Variants in ERC2 observed in about 807,000 individuals in gnomAD.
ERC2 encodes the protein ELKS/RAB6-interacting/CAST family member 2.
ERC2 carries 42 observed loss-of-function variants against 114.8 expected under a neutral mutation model. The observed-to-expected ratio is 0.37, with a 90% CI of 0.29 to 0.47. ERC2 has a LOEUF of 0.47. Ranked by LOEUF, ERC2 falls within the 20% of genes least tolerant of loss-of-function variation. ERC2 has a pLI of 0.99. For synonymous variants in ERC2, 454 were observed against 425.5 expected (o/e 1.07, Z -0.82); for missense variants, 939 against 1,150.7 (o/e 0.82, Z 2.66).
chr3:56,329,998 C>T (rs2057535638), intron 2 of ERC2, among the ~76,000 whole-genome samples: 1 of 151,172 alleles, frequency 6.6e-6, no homozygotes, highest in Non-Finnish European at 1.5e-5. Context: ...ATATATATTT[C>T]CAATAAACAT....
intron 1 of ERC2, among the ~76,000 whole-genome samples, chr3:56,442,975 AG>A (rs1183792907): frequency 6.6e-6 from 1 of 152,206 alleles, no homozygotes; most frequent in African/African-American, 2.4e-5. Flanking sequence ...TTACAGGACT[AG>A]GCACTGCTTT....
intron 14 of ERC2, among the ~76,000 whole-genome samples, chr3:55,827,664 T>C (rs992093788): frequency 6.6e-6 from 1 of 152,242 alleles, no homozygotes; most frequent in Non-Finnish European, 1.5e-5. Context: ...GTTGTTTTAA[T>C]ATGTCTATTT....
At chr3:56,436,211 T>C (rs1320931551) in intron 1 of ERC2, among the ~76,000 whole-genome samples, 1 of 152,222 alleles carries the variant, frequency 6.6e-6, no homozygotes, top group Non-Finnish European at 1.5e-5. Context: ...CAAATGTCCA[T>C]GCTAATACTA....
intron 17 of ERC2, among the ~76,000 whole-genome samples, chr3:55,559,215 T>C (rs2055837032): frequency 6.6e-6 from 1 of 152,224 alleles, no homozygotes; most frequent in Non-Finnish European, 1.5e-5. Context: ...CTGAGCCTTC[T>C]GAAAGTTTTT....
At chr3:56,196,493 C>CCTT (rs2048112758) in intron 3 of ERC2, among the ~76,000 whole-genome samples, 1 of 120,680 alleles carries the variant, frequency 8.3e-6, no homozygotes, top group African/African-American at 3.0e-5. Flanking sequence ...TTCTTGCCTT[C>CCTT]TTTTTTTTTT....
In ERC2 at chr3:56,080,918, G is replaced by A. The variant is rs2077198154; in HGVS notation, c.1540C>T (p.Gln514Ter). 6.2e-7 allele frequency: 1 copy of A among 1,613,446 alleles called. No homozygotes were observed. The highest frequency in any genetic ancestry group is 1.3e-5 in the African/African-American group (1 of 74,898). The change falls in exon 7 of 18, where the codon CAG (glutamine) becomes TAG (stop). Residue 514 changes from glutamine to a stop codon, truncating the protein, a stop_gained. Coordinates refer to ENST00000288221, the MANE Select transcript of ERC2 (RefSeq NM_015576.3). LOFTEE classifies it high-confidence loss of function. ...SFLNKKTKQL[Q>*]DLTEEKGTLA... ...GTCCCCTTCTCTTCTGTGAGGTCCT[G>A]TAGCTGTTTTGTTTTTTTATTGAGG...
At chr3:55,759,484 A>AC (rs1559609981) in intron 14 of ERC2, among the ~76,000 whole-genome samples, 10 of 129,948 alleles carry the variant, frequency 7.7e-5, no homozygotes, top group African/African-American at 2.9e-4. Flanking sequence ...AAAAAAAAAA[A>AC]AAAAAAAAAA....
intron 3 of ERC2, among the ~76,000 whole-genome samples, chr3:56,276,954 C>T (rs910974853): frequency 6.6e-6 from 1 of 152,198 alleles, no homozygotes; most frequent in Non-Finnish European, 1.5e-5. Flanking sequence ...CAAGCTTGTA[C>T]CAGTATATCA....
intron 5 of ERC2, among the ~76,000 whole-genome samples, chr3:56,147,047 A>T (rs544325101): frequency 1.3e-5 from 2 of 152,346 alleles, no homozygotes; most frequent in Admixed American, 1.3e-4. Flanking sequence ...TGACATTTTC[A>T]GCTGTAGAAG....
chr3:56,341,600 AC>A (rs2058092147), intron 2 of ERC2, among the ~76,000 whole-genome samples: 1 of 151,510 alleles, frequency 6.6e-6, no homozygotes, highest in South Asian at 2.1e-4. Context: ...AAAAAAAAAA[AC>A]TAAAAGAAAA....
chr3:56,149,076 C>T lies in ERC2; in HGVS notation c.1206G>A (p.Gln402=). 1 of 1,613,114 alleles carries T rather than the reference C, an allele frequency of 6.2e-7. No homozygotes were observed. The highest frequency in any genetic ancestry group is 1.7e-5 in the Admixed American group (1 of 59,930). The change falls in exon 5 of 18, where the codon CAG becomes CAA. Residue 402 remains glutamine, a synonymous_variant. Transcript: ENST00000288221. The part of the protein sequence containing the change: ...RNIRDLEDEI[Q]MLKANGVLNT... ...TCAGCACACCATTGGCTTTTAACAT[C>T]TGGATCTCATCCTCAAGATCCCTTA...
At chr3:55,593,833 T>C (rs2058015363) in intron 17 of ERC2, among the ~76,000 whole-genome samples, 1 of 152,194 alleles carries the variant, frequency 6.6e-6, no homozygotes, top group East Asian at 1.9e-4. Flanking sequence ...CTAAAAACTC[T>C]TTCTACTCTG....
chr3:55,664,836 G>C (rs1248647510), intron 17 of ERC2, among the ~76,000 whole-genome samples: 1 of 152,294 alleles, frequency 6.6e-6, no homozygotes, highest in South Asian at 2.1e-4. Flanking sequence ...CTCAAATCTC[G>C]CAACGCAGGG....
At chr3:55,583,828 G>T (rs9841680) in intron 17 of ERC2, among the ~76,000 whole-genome samples, 13,701 of 151,512 alleles carry the variant, frequency 0.09, 994 homozygotes, top group African/African-American at 0.2. Flanking sequence ...GGCTTCAAAG[G>T]GCAGCAGAGG....
chr3:56,459,622 G>C (rs17056833), intron 1 of ERC2, among the ~76,000 whole-genome samples: 52,887 of 151,986 alleles, frequency 0.35, 9,404 homozygotes, highest in Middle Eastern at 0.42. Flanking sequence ...AAACTAAGTT[G>C]CTGGTATAAG....
At chr3:56,397,540 T>C (rs1017161107) in intron 2 of ERC2, among the ~76,000 whole-genome samples, 1 of 152,130 alleles carries the variant, frequency 6.6e-6, no homozygotes, top group Non-Finnish European at 1.5e-5. Context: ...GATGCAACTG[T>C]TTCATATTGG....
chr3:56,382,507 A>T (rs557522139), intron 2 of ERC2, among the ~76,000 whole-genome samples: 16 of 152,270 alleles, frequency 1.1e-4, no homozygotes, highest in African/African-American at 3.6e-4. Flanking sequence ...TGATGTCATT[A>T]GTGACCTGAA....
chr3:56,026,876 T>C (rs534918392), intron 7 of ERC2, among the ~76,000 whole-genome samples: 2 of 152,320 alleles, frequency 1.3e-5, no homozygotes, highest in Non-Finnish European at 2.9e-5. Flanking sequence ...TGTGTAGATT[T>C]ACGTGACCAC....
chr3:56,290,566 T>C (rs2055017924), intron 3 of ERC2, among the ~76,000 whole-genome samples: 3 of 152,202 alleles, frequency 2.0e-5, no homozygotes, highest in Admixed American at 1.3e-4. Context: ...TAGAAATGCC[T>C]GCATCAGCAA....
Sources: allele counts gnomAD v4.1 joint callset (sites outside exome capture counted in the v4.1 genomes callset), GRCh38; gene constraint gnomAD v4.1.1; transcripts MANE v1.5; gene names NCBI Gene and HGNC (gene_info 2026-07-23, HGNC 2026-07-21).